The following ADGRE2 variants were observed in gnomAD, a reference collection of about 807,000 sequenced individuals.
The protein encoded by ADGRE2 is CD97 antigen.
In ADGRE2, 83 loss-of-function variants were observed where a neutral mutation model predicts 100.8. That is an observed-to-expected ratio of 0.82 (90% confidence interval 0.69 to 0.99). The LOEUF is 0.99. Ranked by LOEUF, ADGRE2 falls within the 50% of genes least tolerant of loss-of-function variation. The pLI, the probability that ADGRE2 is intolerant of heterozygous loss-of-function variation, is 0.00. For synonymous variants in ADGRE2, 355 were observed against 413.0 expected (o/e 0.86, Z 1.70); for missense variants, 814 against 1,035.7 (o/e 0.79, Z 2.94).
chr19:14,739,374 A>G (rs1359461898), intron 20 of ADGRE2, among the ~76,000 whole-genome samples: 1 of 152,236 alleles, frequency 6.6e-6, no homozygotes, highest in Non-Finnish European at 1.5e-5. Context: ...CTTTGTCAGT[A>G]GCTGGTAGAA....
At position 14,746,375 on chromosome 19, in the gene ADGRE2, C is replaced by CTTTTTTTTTTTTTTTTTTTTTTTT. The variant is rs34368264; in HGVS notation, c.2092-53_2092-52insAAAAAAAAAAAAAAAAAAAAAAAA. 4 of 681,474 alleles carry CTTTTTTTTTTTTTTTTTTTTTTTT rather than the reference C, an allele frequency of 5.9e-6. 2 individuals carry two copies. Among genetic ancestry groups the CTTTTTTTTTTTTTTTTTTTTTTTT allele is most frequent in the African/African-American group, 4.1e-5 (2 of 48,422 alleles). The allele number at this position is 681,474 out of a possible 1,614,324, so 42.2% of individuals were successfully genotyped here. A position where few individuals can be genotyped will look rare whatever the true frequency, so the allele number is the denominator to read the frequency against. ...GAATAGATTTTGAAACCTGTTATCT[C>CTTTTTTTTTTTTTTTTTTTTTTTT]TTTTTTTTTTTTTTTCAGACAGGGT... On this transcript the variant is annotated intron_variant, in intron 17 of 20. Transcript: ENST00000315576.
chr19:14,750,337 C>T (rs530385560), intron 16 of ADGRE2, among the ~76,000 whole-genome samples: 224 of 150,436 alleles, frequency 1.5e-3, no homozygotes, highest in African/African-American at 5.2e-3. Flanking sequence ...TTATATGCTT[C>T]GGAAAAGCAT....
At chr19:14,772,996 T>G (rs956510800) in intron 4 of ADGRE2, among the ~76,000 whole-genome samples, 3 of 144,096 alleles carry the variant, frequency 2.1e-5, no homozygotes, top group Non-Finnish European at 4.5e-5. Flanking sequence ...GAAGAATCGC[T>G]TGAACCTGGG....
At chr19:14,741,865 C>G in intron 20 of ADGRE2, 1 of 395,150 alleles carries the variant, frequency 2.5e-6, no homozygotes. Flanking sequence ...CACATATAAT[C>G]TGGAGAAGAT....
chr19:14,772,296 C>T (rs1462513089), intron 5 of ADGRE2, 46 bp downstream of exon 5: 1 of 1,611,542 alleles, frequency 6.2e-7, no homozygotes. Context: ...CTGGTGACCC[C>T]AAACCTCATG....
downstream of ADGRE2, among the ~76,000 whole-genome samples, chr19:14,729,551 C>G (rs983490915): frequency 2.0e-5 from 3 of 151,970 alleles, no homozygotes; most frequent in East Asian, 5.8e-4. Context: ...TAGGGTTTCT[C>G]CATTTTGCCC....
Position 14,736,152 on chromosome 19 carries a change from G to C in ADGRE2, c.*84C>G, listed in dbSNP as rs140532849. On this transcript the variant is annotated 3_prime_UTR_variant, in exon 21 of 21. Transcript: ENST00000315576. ...AATTTCTTGAAACACACAGAACAAA[G>C]TCTTTTCTTTCCCCTCTAGATGGCT... 1 of 1,285,986 alleles carries C rather than the reference G, an allele frequency of 7.8e-7. No homozygotes were observed. Among genetic ancestry groups the C allele is most frequent in the Non-Finnish European group, 1.1e-6 (1 of 896,624 alleles). The allele number at this position is 1,285,986 out of a possible 1,614,324, so 79.7% of individuals were successfully genotyped here.
Position 14,743,530 on chromosome 19 carries a change from C to A in ADGRE2, c.2353G>T (p.Val785Phe), listed in dbSNP as rs1367595735. 1 of 1,613,984 alleles carries A rather than the reference C, an allele frequency of 6.2e-7. No individual in the cohort carries two copies. The highest frequency in any genetic ancestry group is 2.2e-5 in the East Asian group (1 of 44,882). Reference sequence around the variant, plus strand: ...GACCATTTCCCATATTGCTCCCGGACCTGCAGAGGCAAAGTGTGTACTGGG... The same window carrying A: ...GACCATTTCCCATATTGCTCCCGGAACTGCAGAGGCAAAGTGTGTACTGGG... ...FLVYCLLSQQ[V>F]REQYGKWSKG... Residue 785 changes from valine to phenylalanine, a missense_variant and splice_region_variant, in exon 20 of 21, where the codon GTC (valine) becomes TTC (phenylalanine). Physicochemically the swap from Val to Phe is conservative, Grantham distance 50 (BLOSUM62 -1). Transcript: ENST00000315576.
intron 17 of ADGRE2, 52 bp from the exon 18 acceptor site, chr19:14,746,375 C>CTTTTTTT (rs34368264): frequency 1.0e-5 from 8 of 778,006 alleles, no homozygotes; most frequent in Middle Eastern, 3.3e-4. Context: ...CCTGTTATCT[C>CTTTTTTT]TTTTTTTTTT....
chr19:14,772,538 G>A (rs2044249770), intron 4 of ADGRE2, 41 bp from the exon 5 acceptor site: 1 of 1,608,900 alleles, frequency 6.2e-7, no homozygotes, highest in Non-Finnish European at 8.5e-7. Context: ...CCAAAGATGT[G>A]AGTTCCGTCA....
rs770719469 is a variant in ADGRE2 at position 14,746,323 on chromosome 19, C to T, written c.2092G>A (p.Val698Met). The T allele has an allele frequency of 5.1e-6, 8 of 1,575,552 alleles. No homozygotes were observed. Among genetic ancestry groups the T allele is most frequent in the Admixed American group, 1.7e-5 (1 of 59,264 alleles). The stretch of plus-strand genomic sequence containing the variant: ...GTCACCAGAAAGAGAACTAAATTCA[C>T]CTTCAGAAAACCACAGAAGATTTGT... ...FLGPVCAIFS[V>M]NLVLFLVTLW... Residue 698 changes from valine to methionine, a missense_variant and splice_region_variant, in exon 18 of 21, where the codon GTG becomes ATG. Physicochemically the swap from Val to Met is conservative, Grantham distance 21 (BLOSUM62 1). Around this residue, in one of 5 missense-constraint regions of ADGRE2, gnomAD observed 569 missense variants for 692.7 expected, o/e 0.82. Transcript: ENST00000315576.
intron 20 of ADGRE2, among the ~76,000 whole-genome samples, chr19:14,737,370 T>A (rs1413449197): frequency 6.6e-6 from 1 of 152,000 alleles, no homozygotes; most frequent in Admixed American, 6.6e-5. Flanking sequence ...TAATTTTAAT[T>A]TTTTGTAGAG....
intron 16 of ADGRE2, among the ~76,000 whole-genome samples, chr19:14,747,669 G>T (rs1012950398): frequency 6.6e-5 from 10 of 152,190 alleles, no homozygotes; most frequent in Admixed American, 3.3e-4. Context: ...TGAGCTGCGT[G>T]TGGTGGCGCA....
downstream of ADGRE2, among the ~76,000 whole-genome samples, chr19:14,731,009 A>G (rs1166408304): frequency 6.6e-6 from 1 of 151,898 alleles, no homozygotes; most frequent in Non-Finnish European, 1.5e-5. Context: ...CCATCCCAGA[A>G]TGCCCTAAAT....
intron 12 of ADGRE2, 65 bp downstream of exon 12, chr19:14,756,173 C>T (rs941230171): frequency 1.3e-5 from 16 of 1,227,482 alleles, no homozygotes; most frequent in Non-Finnish European, 1.8e-5. Flanking sequence ...TCTTATTTTT[C>T]ACATTCTTGG....
rs1422292941 is a variant in ADGRE2 at position 14,765,512 on chromosome 19, G to A, written c.828+12C>T. ...GAGTTCCCGCCGCCTCGTCCCTGTGGGGGCCACTCACCTGGCTGTGGACTC... is the reference window on the plus strand; with the variant it reads ...GAGTTCCCGCCGCCTCGTCCCTGTGAGGGCCACTCACCTGGCTGTGGACTC... On this transcript the variant is annotated intron_variant, in intron 9 of 20. Coordinates refer to ENST00000315576, the MANE Select transcript of ADGRE2 (RefSeq NM_013447.4). 1.2e-6 allele frequency: 2 copies of A among 1,613,666 alleles called. No homozygotes were observed. The highest frequency in any genetic ancestry group is 4.5e-5 in the East Asian group (2 of 44,878).
intron 15 of ADGRE2, among the ~76,000 whole-genome samples, chr19:14,751,912 C>CATATATATAT (rs1259908615): frequency 8.4e-5 from 8 of 95,056 alleles, no homozygotes; most frequent in African/African-American, 3.6e-4. Flanking sequence ...CACACACACA[C>CATATATATAT]ATATATATAT....
At chr19:14,749,311 G>A in intron 16 of ADGRE2, among the ~76,000 whole-genome samples, 1 of 61,456 alleles carries the variant, frequency 1.6e-5, no homozygotes, top group African/African-American at 4.9e-5. Context: ...AATTATATAT[G>A]ATATATACAT....
At chr19:14,768,624 T>A (rs1237233362) in intron 5 of ADGRE2, among the ~76,000 whole-genome samples, 1 of 152,162 alleles carries the variant, frequency 6.6e-6, no homozygotes, top group East Asian at 1.9e-4. Context: ...CTCTTGCCAT[T>A]GGGTCCACAC....
Sources: gnomAD v4.1 joint callset for allele counts (sites outside exome capture counted in the v4.1 genomes callset) on GRCh38, gnomAD v4.1.1 for gene constraint, gnomAD v4.1.1 regional missense constraint, MANE v1.5 for transcripts, NCBI Gene and HGNC (gene_info 2026-07-23, HGNC 2026-07-21) for gene names.